DCAF8: variants seen among roughly 807,000 people sequenced by gnomAD.
DCAF8 encodes DDB1- and CUL4-associated factor 8.
In DCAF8, 20 loss-of-function variants were observed where a neutral mutation model predicts 68.0. The ratio of observed to expected loss-of-function variants is 0.29; its 90% confidence interval spans 0.21 to 0.43. The LOEUF (loss-of-function observed/expected upper bound fraction) is 0.43, where lower values mean the gene tolerates loss of function less well. Ranked by LOEUF, DCAF8 falls within the 20% of genes least tolerant of loss-of-function variation. The probability of loss-of-function intolerance (pLI) is 1.00; values close to 1 mark genes in which losing one functional copy is unlikely to be tolerated. For synonymous variants in DCAF8, 230 were observed against 276.9 expected, an observed-to-expected ratio of 0.83 and a Z score of 1.68; for missense variants, 460 against 771.0, an observed-to-expected ratio of 0.60 and a Z score of 4.78.
chr1:160,241,553 CAGTCA>C, intron 3 of DCAF8, among the ~76,000 whole-genome samples: 1 of 152,186 alleles, frequency 6.6e-6, no homozygotes, highest in Non-Finnish European at 1.5e-5. Flanking sequence ...TAACTCACAA[CAGTCA>C]AGTCAATTCC....
chr1:160,239,175 G>A, intron 4 of DCAF8: 1 of 1,070,394 alleles, frequency 9.3e-7, no homozygotes, highest in Non-Finnish European at 1.1e-6. Flanking sequence ...CAGTACAGTA[G>A]ATGGGGCCAA....
chr1:160,237,200 C>G lies in DCAF8; in HGVS notation c.894G>C (p.Thr298=), dbSNP rs777631572. The G allele has an allele frequency of 2.5e-6, 4 of 1,577,284 alleles. No homozygotes were observed. In the Admixed American group the frequency reaches 7.3e-5, roughly 29 times the overall value. The change falls in exon 6 of 14, where the codon ACG becomes ACC. Residue 298 remains threonine (T), a synonymous_variant. Coordinates refer to ENST00000368074, the MANE Select transcript of DCAF8 (RefSeq NM_015726.4). The part of the protein sequence containing the change: ...KLALEPDSPC[T]FLSAGEDAVV... ...CTGCATCTTCACCTGCAGATAAGAA[C>G]GTACAGGGAGAGTCTGGTTCCAGTG... is the stretch of plus-strand genomic sequence containing the variant.
rs151050731 is a variant in DCAF8, at chr1:160,239,976, G to T, written c.444C>A (p.Pro148=). The part of the protein sequence containing the change: ...DWVSSETSAL[P]RPRWQALPAL... The stretch of plus-strand genomic sequence containing the variant: ...CAGGGAGGGCTTGCCAGCGAGGTCG[G>T]GGTAGAGCTGATGTTTCTGAGGACA... The change falls in exon 4 of 14, where the codon CCC becomes CCA. Residue 148 remains proline, a synonymous_variant. Coordinates refer to ENST00000368074, the MANE Select transcript of DCAF8 (RefSeq NM_015726.4). 184 of 1,614,236 alleles carry T rather than the reference G, an allele frequency of 1.1e-4. 1 individual carries two copies. The African/African-American group carries it at 1.7e-3, about 15-fold the overall frequency.
chr1:160,262,056 A>G (rs1430354654), intron 1 of DCAF8: 5 of 318,806 alleles, frequency 1.6e-5, no homozygotes, highest in African/African-American at 1.1e-4. Flanking sequence ...GGGTCACCCA[A>G]CGAAGCAAGG....
At chr1:160,262,410 C>T (rs1156906419) in intron 1 of DCAF8, 39 bp downstream of exon 1, 1 of 400,522 alleles carries the variant, frequency 2.5e-6, no homozygotes, top group Non-Finnish European at 4.4e-6. Context: ...GGCCCAGCCG[C>T]CCCGTCCACT....
chr1:160,224,233 A>G (rs867184150), intron 10 of DCAF8, among the ~76,000 whole-genome samples: 1 of 152,220 alleles, frequency 6.6e-6, no homozygotes, highest in South Asian at 2.1e-4. Context: ...ATTAGAAGCA[A>G]CATTATTGGA....
chr1:160,226,912 G>T (rs1255120903), intron 7 of DCAF8, among the ~76,000 whole-genome samples: 1 of 152,220 alleles, frequency 6.6e-6, no homozygotes, highest in Admixed American at 6.5e-5. Context: ...AGACACAGAT[G>T]TAAGTCATAT....
chr1:160,219,364 A>C, intron 11 of DCAF8: 1 of 163,238 alleles, frequency 6.1e-6, no homozygotes, highest in Non-Finnish European at 1.3e-5. Context: ...GGCTTTCACC[A>C]AGTGGCAAAT....
chr1:160,238,939 C>T lies in DCAF8; in HGVS notation c.724-192G>A, dbSNP rs186439009. ...AGTTAAAGGAAAGGGAGAGAAAAAA[C>T]TTCCTTTGATGTAAGAGAGCATTTC... On this transcript the variant is annotated intron_variant, in intron 4 of 13. Transcript: ENST00000368074. The T allele has an allele frequency of 2.5e-5, 18 of 723,772 alleles. No homozygotes were observed. In the East Asian group the frequency reaches 5.6e-4, roughly 23 times the overall value. 44.8% of individuals were successfully genotyped at this position (723,772 alleles called of 1,614,324 possible). A position where few individuals can be genotyped will look rare whatever the true frequency, so the allele number is the denominator to read the frequency against.
chr1:160,242,840 C>A (rs1656172750), intron 3 of DCAF8, among the ~76,000 whole-genome samples: 1 of 152,144 alleles, frequency 6.6e-6, no homozygotes, highest in South Asian at 2.1e-4. Context: ...TTATAGTTTG[C>A]CAATCCTTGA....
chr1:160,238,612 G>T lies in DCAF8; in HGVS notation c.859C>A (p.His287Asn). ...KRVAQHKGAS[H>N]KLALEPDSPC... ...TGGAGCAAGGTCTTACTTACCTTGTGGGACGCTCCCTTGTGCTGGGCCACA... is the reference window on the plus strand; with the variant it reads ...TGGAGCAAGGTCTTACTTACCTTGTTGGACGCTCCCTTGTGCTGGGCCACA... The change falls in exon 5 of 14, where the codon CAC becomes AAC. Residue 287 changes from histidine to asparagine, a missense_variant. By Grantham distance (68) the His-to-Asn change is moderately conservative (BLOSUM62 1). Coordinates refer to ENST00000368074, the MANE Select transcript of DCAF8 (RefSeq NM_015726.4). 6.2e-7 allele frequency: 1 copy of T among 1,601,602 alleles called. No individual in the cohort carries two copies. Among genetic ancestry groups the T allele is most frequent in the Non-Finnish European group, 8.5e-7 (1 of 1,174,848 alleles).
intron 2 of DCAF8, among the ~76,000 whole-genome samples, chr1:160,255,013 T>C (rs1006392496): frequency 1.3e-5 from 2 of 152,210 alleles, no homozygotes; most frequent in African/African-American, 4.8e-5. Flanking sequence ...CCATTTATAT[T>C]ATTTTTCTAG....
intron 2 of DCAF8, among the ~76,000 whole-genome samples, chr1:160,260,906 T>G (rs1484928183): frequency 4.6e-5 from 7 of 152,140 alleles, no homozygotes; most frequent in African/African-American, 1.7e-4. Flanking sequence ...GGAAGAGACC[T>G]GATTTGACAA....
intron 8 of DCAF8, 34 bp from the exon 9 acceptor site, chr1:160,225,153 AC>A (rs760910324): frequency 1.2e-5 from 19 of 1,573,930 alleles, no homozygotes; most frequent in East Asian, 2.3e-5. Context: ...CTGATGCCCC[AC>A]CCCCCCATTT....
At chr1:160,227,228 G>A (rs899182618) in intron 7 of DCAF8, among the ~76,000 whole-genome samples, 2 of 152,330 alleles carry the variant, frequency 1.3e-5, no homozygotes, top group South Asian at 4.1e-4. Flanking sequence ...ACACTGAGGA[G>A]TGGTTGGACA....
intron 2 of DCAF8, among the ~76,000 whole-genome samples, chr1:160,248,482 T>G (rs557206711): frequency 6.6e-6 from 1 of 152,200 alleles, no homozygotes; most frequent in Admixed American, 6.5e-5. Flanking sequence ...ACGCCTGTAA[T>G]CCCATCACTT....
chr1:160,237,708 TTTTG>T (rs1655944279), intron 5 of DCAF8, among the ~76,000 whole-genome samples: 1 of 152,004 alleles, frequency 6.6e-6, no homozygotes, highest in African/African-American at 2.4e-5. Flanking sequence ...TTCGCTTTTT[TTTTG>T]TTTGTTTTCC....
intron 1 of DCAF8, chr1:160,262,068 G>T: frequency 2.9e-6 from 1 of 341,678 alleles, no homozygotes; most frequent in African/African-American, 2.1e-5. Context: ...GAAGCAAGGC[G>T]TCCCTGTGAA....
chr1:160,250,067 G>T (rs1353122319), intron 2 of DCAF8, among the ~76,000 whole-genome samples: 1 of 152,152 alleles, frequency 6.6e-6, no homozygotes, highest in African/African-American at 2.4e-5. Context: ...AATCACAGTG[G>T]TGTTACATAA....
Sources: gnomAD v4.1 joint callset for allele counts (sites outside exome capture counted in the v4.1 genomes callset) on GRCh38, gnomAD v4.1.1 for gene constraint, MANE v1.5 for transcripts, NCBI Gene and HGNC (gene_info 2026-07-23, HGNC 2026-07-21) for gene names.